ARHGAP45: variants seen among roughly 807,000 people sequenced by gnomAD.
ARHGAP45 encodes the protein rho GTPase-activating protein 45.
In ARHGAP45, 56 loss-of-function variants were observed where a neutral mutation model predicts 116.1. The observed-to-expected ratio is 0.48, with a 90% CI of 0.39 to 0.60. The LOEUF (loss-of-function observed/expected upper bound fraction) is 0.60. Ranked by LOEUF, ARHGAP45 falls within the 20% of genes least tolerant of loss-of-function variation. The pLI, the probability that ARHGAP45 is intolerant of heterozygous loss-of-function variation, is 0.00. For synonymous variants in ARHGAP45, 866 were observed against 701.7 expected, an observed-to-expected ratio of 1.23 and a Z score of -3.70; for missense variants, 1,622 against 1,601.0, an observed-to-expected ratio of 1.01 and a Z score of -0.22.
Position 1,073,296 on chromosome 19 carries a change from A to T in ARHGAP45, c.565+4A>T. On this transcript the variant is annotated splice_donor_region_variant and intron_variant, in intron 3 of 22. Coordinates refer to ENST00000313093, the MANE Select transcript of ARHGAP45 (RefSeq NM_012292.5). ...ACCCTCATTGCCAAGGTCAAAGGTC[A>T]GCCTGCTGGAACAGGGCTGCGAGGG... 1 of 1,612,948 alleles carries T rather than the reference A, an allele frequency of 6.2e-7. No individual in the cohort carries two copies. The highest frequency in any genetic ancestry group is 8.5e-7 in the Non-Finnish European group (1 of 1,179,774).
rs200504479 is a variant in ARHGAP45 at position 1,085,856 on chromosome 19, C to T, written c.3261C>T (p.Asp1087=). The change falls in exon 23 of 23, where the codon GAC becomes GAT. Residue 1087 remains aspartate, a synonymous_variant. Coordinates refer to ENST00000313093, the MANE Select transcript of ARHGAP45 (RefSeq NM_012292.5). ...QLEATAREDG[D]GDEDGPAQQL... ...AGGCCACAGCCCGGGAGGACGGGGA[C>T]GGGGACGAGGACGGCCCGGCCCAGC... 1.5e-4 allele frequency: 247 copies of T among 1,612,880 alleles called. 1 individual carries two copies. Among genetic ancestry groups the T allele is most frequent in the Middle Eastern group, 4.9e-4 (3 of 6,062 alleles).
Position 1,077,976 on chromosome 19 carries a change from G to A in ARHGAP45, c.1305G>A (p.Pro435=), listed in dbSNP as rs368814469. 20 of 1,553,678 alleles carry A rather than the reference G, an allele frequency of 1.3e-5. No individual in the cohort carries two copies. The Admixed American group carries it at 1.6e-4, about 12-fold the overall frequency. Reference sequence around the variant, plus strand: ...AGGAGGAGCAGGCTGGCAGCGCGCCGGGAGCAGGCAGCACGGCCACCAAGA... The same window carrying A: ...AGGAGGAGCAGGCTGGCAGCGCGCCAGGAGCAGGCAGCACGGCCACCAAGA... ...KAEEEQAGSA[P]GAGSTATKTL... Residue 435 remains proline, a synonymous_variant, in exon 11 of 23, where the codon CCG becomes CCA. Transcript: ENST00000313093.
At chr19:1,085,510 T>TCCATCTCTCCTGTCTCTCC (rs796862776) in intron 22 of ARHGAP45, 150 bp from the exon 23 acceptor site, 176,594 of 540,600 alleles carry the variant, frequency 0.33, 32,416 homozygotes, top group Middle Eastern at 0.39. Flanking sequence ...TTGTCTCTCC[T>TCCATCTCTCCTGTCTCTCC]CCATCTCTCC....
chr19:1,071,313 C>G lies in ARHGAP45; in HGVS notation c.422-1836C>G. 6.9e-7 allele frequency: 1 copy of G among 1,445,418 alleles called. No homozygotes were observed. The allele number at this position is 1,445,418 out of a possible 1,614,324, so 89.5% of individuals were successfully genotyped here. On this transcript the variant is annotated intron_variant, in intron 2 of 22. Transcript: ENST00000313093. This position sits in a 1 kb window ranked among gnomAD's most constrained non-coding sequence, Gnocchi z 4.6. ...CATGTGTATCTGCGGGACGGCGCAC[C>G]CGGTGCTGGACGAGGGCCCCGTGCG...
chr19:1,082,668 C>T (rs955521060), intron 19 of ARHGAP45, 172 bp from the exon 20 acceptor site: 4 of 590,986 alleles, frequency 6.8e-6, no homozygotes, highest in Non-Finnish European at 1.1e-5. Context: ...GTAGGAGGGG[C>T]AGGGCTCACG....
chr19:1,068,439 A>T lies in ARHGAP45; in HGVS notation c.116A>T (p.Asp39Val). 1 of 1,576,260 alleles carries T rather than the reference A, an allele frequency of 6.3e-7. No individual in the cohort carries two copies. The highest frequency in any genetic ancestry group is 8.6e-7 in the Non-Finnish European group (1 of 1,161,150). The change falls in exon 2 of 23, where the codon GAC becomes GTC. Residue 39 changes from aspartate (D) to valine (V), a missense_variant. By Grantham distance (152) the Asp-to-Val change is radical. This residue lies in a region of ARHGAP45 where 279 missense variants were observed against 311.9 expected (regional missense o/e 0.89). Coordinates refer to ENST00000313093, the MANE Select transcript of ARHGAP45 (RefSeq NM_012292.5). The surrounding 1 kb of genome is among the most constrained non-coding windows in gnomAD (Gnocchi z 7.5). Reference protein sequence around the residue: ...SGELPRKDGADAVFPGPSLEP... With the variant: ...SGELPRKDGAVAVFPGPSLEP... Reference sequence around the variant, plus strand: ...GAGCTGCCCAGGAAGGATGGGGCTGACGCGGTGTTCCCCGGACCAAGCCTG... The same window carrying T: ...GAGCTGCCCAGGAAGGATGGGGCTGTCGCGGTGTTCCCCGGACCAAGCCTG...
upstream of ARHGAP45, chr19:1,067,093 C>G: frequency 1.0e-6 from 1 of 953,438 alleles, no homozygotes; most frequent in Non-Finnish European, 1.3e-6. Context: ...GGCGCGGCTC[C>G]GAGCTCCCGA....
chr19:1,074,558 T>G, intron 8 of ARHGAP45, 56 bp from the exon 9 acceptor site: 1 of 1,461,548 alleles, frequency 6.8e-7, no homozygotes, highest in South Asian at 1.3e-5. Flanking sequence ...CTGGGGGTGC[T>G]GGGGCCGCCC....
intron 2 of ARHGAP45, among the ~76,000 whole-genome samples, chr19:1,070,510 CTT>C (rs35544064): frequency 0.085 from 11,273 of 133,220 alleles, 693 homozygotes; most frequent in East Asian, 0.2. Flanking sequence ...TTTTTTCTTT[CTT>C]TTTTTTTTTT....
Position 1,084,338 on chromosome 19 carries a change from G to C in ARHGAP45, c.3056G>C (p.Gly1019Ala), listed in dbSNP as rs370204596. 6.2e-7 allele frequency: 1 copy of C among 1,607,738 alleles called. No homozygotes were observed. The highest frequency in any genetic ancestry group is 1.1e-5 in the South Asian group (1 of 90,684). ...VYPLQEAAADGCRESRVVSND... is the reference protein window; with the variant it reads ...VYPLQEAAADACRESRVVSND... ...CCGCTGCAGGAGGCGGCGGCGGACG[G>C]GTGCAGAGGTGAGTGTGTGGCTGCC... Residue 1019 changes from glycine to alanine, a missense_variant, in exon 22 of 23, where the codon GGG becomes GCG. Physicochemically the swap from Gly to Ala is moderately conservative, Grantham distance 60. Coordinates refer to ENST00000313093, the MANE Select transcript of ARHGAP45 (RefSeq NM_012292.5).
intron 11 of ARHGAP45, among the ~76,000 whole-genome samples, chr19:1,078,303 C>T (rs2043321713): frequency 2.0e-5 from 3 of 151,464 alleles, no homozygotes; most frequent in Admixed American, 2.0e-4. Context: ...GCCACCACGC[C>T]TGGCTAATTT....
chr19:1,084,194 A>G (rs1027762921), intron 21 of ARHGAP45, 44 bp from the exon 22 acceptor site: 12 of 1,557,848 alleles, frequency 7.7e-6, no homozygotes, highest in Non-Finnish European at 1.1e-5. Flanking sequence ...TAACATGGAA[A>G]ATGGAGCCCC....
At chr19:1,085,437 G>C (rs960120326) in intron 22 of ARHGAP45, among the ~76,000 whole-genome samples, 1 of 150,296 alleles carries the variant, frequency 6.7e-6, no homozygotes. Flanking sequence ...CTCTCCTTCC[G>C]TTTCTCCCCT....
chr19:1,079,432 A>G (rs1001437071), intron 11 of ARHGAP45, among the ~76,000 whole-genome samples: 1 of 147,872 alleles, frequency 6.8e-6, no homozygotes, highest in African/African-American at 2.5e-5. Context: ...TGAACCCGGT[A>G]GGTGGAGGTT....
In ARHGAP45 at chr19:1,081,013, G is replaced by C. The variant is rs1321328161; in HGVS notation, c.2139G>C (p.Lys713Asn). Residue 713 changes from lysine to asparagine, a missense_variant, in exon 17 of 23, where the codon AAG becomes AAC. Physicochemically the swap from Lys to Asn is moderately conservative, Grantham distance 94 (BLOSUM62 0). Coordinates refer to ENST00000313093, the MANE Select transcript of ARHGAP45 (RefSeq NM_012292.5). ...HRLRKLRTPA[K>N]CRECNSYVYF... The stretch of plus-strand genomic sequence containing the variant: ...TCCGGAAGCTCCGCACGCCCGCCAA[G>C]TGCCGCGAGTGCAACAGCTACGTCT... 1.2e-6 allele frequency: 2 copies of C among 1,608,876 alleles called. No homozygotes were observed. Among genetic ancestry groups the C allele is most frequent in the Non-Finnish European group, 1.7e-6 (2 of 1,178,480 alleles).
At position 1,085,551 on chromosome 19, in the gene ARHGAP45, C is replaced by CTCTCCTGTCTCTCCATT. The variant is rs1568489850; in HGVS notation, c.3065-105_3065-104insCTGTCTCTCCATTTCTC. The CTCTCCTGTCTCTCCATT allele has an allele frequency of 3.3e-5, 18 of 543,068 alleles. No individual in the cohort carries two copies. In the Admixed American group the frequency reaches 7.3e-4, roughly 22 times the overall value. The allele number at this position is 543,068 out of a possible 1,614,324, so 33.6% of individuals were successfully genotyped here. On this transcript the variant is annotated intron_variant, in intron 22 of 22. Coordinates refer to ENST00000313093, the MANE Select transcript of ARHGAP45 (RefSeq NM_012292.5). Reference sequence around the variant, plus strand: ...CTCCCCATCTCTCCTGTCTCTCCATCTCTCTCCCCCCTCTCCTGTCTCTCC... The same window carrying CTCTCCTGTCTCTCCATT: ...CTCCCCATCTCTCCTGTCTCTCCATCTCTCCTGTCTCTCCATTTCTCTCCCCCCTCTCCTGTCTCTCC...
Position 1,082,921 on chromosome 19 carries a change from G to A in ARHGAP45, c.2599G>A (p.Ala867Thr), listed in dbSNP as rs1454250590. ...AKDSLKAEAEAKAASRGRQDG... is the reference protein window; with the variant it reads ...AKDSLKAEAETKAASRGRQDG... ...GGACAGCCTGAAGGCAGAGGCCGAGGCCAAGGCGGCGTCCCGGGGCCGGCA... is the reference window on the plus strand; with the variant it reads ...GGACAGCCTGAAGGCAGAGGCCGAGACCAAGGCGGCGTCCCGGGGCCGGCA... The change falls in exon 20 of 23, where the codon GCC (alanine) becomes ACC (threonine). Residue 867 changes from alanine (A) to threonine (T), a missense_variant. Coordinates refer to ENST00000313093, the MANE Select transcript of ARHGAP45 (RefSeq NM_012292.5). The A allele has an allele frequency of 3.1e-6, 5 of 1,592,998 alleles. No homozygotes were observed. The South Asian group carries it at 4.5e-5, about 14-fold the overall frequency.
rs2043399378 is a variant in ARHGAP45 at position 1,080,470 on chromosome 19, G to A, written c.1835G>A (p.Arg612Gln). The A allele has an allele frequency of 6.2e-7, 1 of 1,612,820 alleles. No homozygotes were observed. The highest frequency in any genetic ancestry group is 1.3e-5 in the African/African-American group (1 of 75,030). ...GAGACGCCTCTTTCTCCAGCCGGGCGAGGACACCAGGTTCACAAGTCATGG... is the reference window on the plus strand; with the variant it reads ...GAGACGCCTCTTTCTCCAGCCGGGCAAGGACACCAGGTTCACAAGTCATGG... Reference protein sequence around the residue: ...GTPAKDHRAGRGHQVHKSWPL... With the variant: ...GTPAKDHRAGQGHQVHKSWPL... The change falls in exon 15 of 23, where the codon CGA becomes CAA. Residue 612 changes from arginine (R) to glutamine (Q), a missense_variant. Physicochemically the swap from Arg to Gln is conservative, Grantham distance 43. Around this residue, in one of 3 missense-constraint regions of ARHGAP45, gnomAD observed 1,334 missense variants for 1,263.8 expected, o/e 1.06. Transcript: ENST00000313093.
chr19:1,082,224 C>T (rs1056269605), intron 19 of ARHGAP45, among the ~76,000 whole-genome samples: 1 of 127,080 alleles, frequency 7.9e-6, no homozygotes, highest in East Asian at 2.3e-4. Context: ...GGGGCTTGGT[C>T]AGCACGTGGC....
Sources: gnomAD v4.1 joint callset for allele counts (sites outside exome capture counted in the v4.1 genomes callset) on GRCh38, gnomAD v4.1.1 for gene constraint, gnomAD v4.1.1 regional missense constraint, Gnocchi (gnomAD v3.1) non-coding constraint, MANE v1.5 for transcripts, NCBI Gene and HGNC (gene_info 2026-07-23, HGNC 2026-07-21) for gene names.